The following PARD3 variants were observed in gnomAD, a reference collection of about 807,000 sequenced individuals.
PARD3 encodes the protein partitioning defective 3 homolog.
A neutral mutation model predicts 155.4 loss-of-function variants in PARD3; 75 were observed. That is an observed-to-expected ratio of 0.48 (90% CI 0.40 to 0.58). PARD3 has a LOEUF of 0.58. Among genes scored for constraint, PARD3 ranks in the 20% least tolerant of loss-of-function variants. The pLI, the probability that PARD3 is intolerant of heterozygous loss-of-function variation, is 0.00. For synonymous variants in PARD3, 576 were observed against 610.5 expected, an observed-to-expected ratio of 0.94 and a Z score of 0.83; for missense variants, 1,642 against 1,721.7, an observed-to-expected ratio of 0.95 and a Z score of 0.82.
intron 2 of PARD3, among the ~76,000 whole-genome samples, chr10:34,602,163 T>C (rs1028836250): frequency 2.6e-5 from 4 of 152,224 alleles, no homozygotes; most frequent in Non-Finnish European, 4.4e-5. Context: ...GCTGATAAAT[T>C]TGCAGAAGAC....
At chr10:34,594,855 T>A (rs1188367527) in intron 2 of PARD3, among the ~76,000 whole-genome samples, 1 of 152,024 alleles carries the variant, frequency 6.6e-6, no homozygotes, top group Non-Finnish European at 1.5e-5. Flanking sequence ...TAAAAATAAA[T>A]AAAGTCAGTC....
chr10:34,345,602 T>C (rs1837331547), intron 15 of PARD3: 1 of 985,190 alleles, frequency 1.0e-6, no homozygotes, highest in Non-Finnish European at 1.2e-6. Flanking sequence ...ACACTGTTGT[T>C]ATTGGTTTAG....
chr10:34,563,071 TTA>T (rs1319341558), intron 2 of PARD3, among the ~76,000 whole-genome samples: 1 of 152,156 alleles, frequency 6.6e-6, no homozygotes, highest in East Asian at 1.9e-4. Context: ...CCACCTGACC[TTA>T]TTTATTGATT....
chr10:34,383,009 C>T (rs1467634434), intron 8 of PARD3, 87 bp from the exon 9 acceptor site: 7 of 1,406,550 alleles, frequency 5.0e-6, no homozygotes, highest in Non-Finnish European at 5.9e-6. Flanking sequence ...ACTAATTAAG[C>T]AATAAGAACT....
chr10:34,349,601 A>AAAAAAAAAAC (rs1837812916), intron 14 of PARD3, among the ~76,000 whole-genome samples: 1 of 148,630 alleles, frequency 6.7e-6, no homozygotes, highest in African/African-American at 2.5e-5. Flanking sequence ...AAAAAAAAAA[A>AAAAAAAAAAC]AAAAAAAAGC....
intron 3 of PARD3, among the ~76,000 whole-genome samples, chr10:34,492,385 C>T (rs947018283): frequency 1.3e-5 from 2 of 152,150 alleles, no homozygotes; most frequent in Non-Finnish European, 2.9e-5. Context: ...TCCACATTCA[C>T]GCATGGCTCT....
intron 4 of PARD3, among the ~76,000 whole-genome samples, chr10:34,459,336 T>C (rs1219747178): frequency 2.0e-5 from 3 of 151,982 alleles, no homozygotes; most frequent in Admixed American, 1.3e-4. Context: ...CCAGCTAATT[T>C]TTTTTTTTGT....
chr10:34,130,937 T>A (rs1366359083), intron 23 of PARD3, among the ~76,000 whole-genome samples: 4 of 152,154 alleles, frequency 2.6e-5, no homozygotes, highest in Non-Finnish European at 5.9e-5. Flanking sequence ...GGCACTTGCC[T>A]ATAGTCCAGC....
intron 3 of PARD3, among the ~76,000 whole-genome samples, chr10:34,477,066 G>T (rs1235143195): frequency 6.6e-6 from 1 of 152,120 alleles, no homozygotes; most frequent in Non-Finnish European, 1.5e-5. Flanking sequence ...AATAAAACAT[G>T]ATCTTCTCAC....
intron 22 of PARD3, among the ~76,000 whole-genome samples, chr10:34,188,964 G>T (rs1016618390): frequency 2.6e-5 from 4 of 152,118 alleles, no homozygotes; most frequent in Admixed American, 6.5e-5. Context: ...CCAAAGTGTG[G>T]TCTATGGACT....
At chr10:34,587,327 T>C (rs1025393342) in intron 2 of PARD3, among the ~76,000 whole-genome samples, 1 of 152,122 alleles carries the variant, frequency 6.6e-6, no homozygotes, top group African/African-American at 2.4e-5. Context: ...TTCACCATCT[T>C]GGCCAGTCTG....
intron 10 of PARD3, among the ~76,000 whole-genome samples, chr10:34,375,494 A>G (rs572684500): frequency 2.6e-4 from 39 of 152,340 alleles, no homozygotes; most frequent in Admixed American, 8.5e-4. Flanking sequence ...TAAATAAAAC[A>G]CTTTACCTCT....
intron 15 of PARD3, among the ~76,000 whole-genome samples, chr10:34,347,733 G>A (rs1447318825): frequency 1.3e-5 from 2 of 151,934 alleles, no homozygotes; most frequent in African/African-American, 2.4e-5. Flanking sequence ...TGGTTGCTTC[G>A]TCATGTTACA....
intron 22 of PARD3, among the ~76,000 whole-genome samples, chr10:34,132,339 G>A (rs902995913): frequency 1.2e-4 from 5 of 40,962 alleles, no homozygotes; most frequent in East Asian, 6.8e-4. Context: ...ACCCACCTAC[G>A]CACACGTTTA....
At chr10:34,452,056 C>T (rs1014687127) in intron 4 of PARD3, among the ~76,000 whole-genome samples, 1 of 151,852 alleles carries the variant, frequency 6.6e-6, no homozygotes, top group African/African-American at 2.4e-5. Context: ...AGTGACAGAA[C>T]CTTATGTGTC....
chr10:34,304,494 C>T (rs1564565722), intron 20 of PARD3, among the ~76,000 whole-genome samples: 2 of 152,122 alleles, frequency 1.3e-5, no homozygotes, highest in Non-Finnish European at 1.5e-5. Context: ...TTCCATAGCA[C>T]TCACAATAGC....
chr10:34,252,793 A>G (rs1436403253), intron 22 of PARD3, among the ~76,000 whole-genome samples: 1 of 152,068 alleles, frequency 6.6e-6, no homozygotes, highest in Non-Finnish European at 1.5e-5. Flanking sequence ...TTTGTTACAC[A>G]TTTTCAAGAA....
At chr10:34,664,073 T>C (rs1433808306) in intron 2 of PARD3, 1 of 152,252 alleles carries the variant, frequency 6.6e-6, no homozygotes, top group African/African-American at 2.4e-5. Flanking sequence ...GCTGCGATGT[T>C]TCCCTAAGGA....
chr10:34,296,540 T>C (rs1159115885), intron 20 of PARD3, among the ~76,000 whole-genome samples: 1 of 152,206 alleles, frequency 6.6e-6, no homozygotes, highest in East Asian at 1.9e-4. Context: ...TCATTATTTA[T>C]TATACTAAAA....
Sources: gnomAD v4.1 joint callset for allele counts (sites outside exome capture counted in the v4.1 genomes callset) on GRCh38, gnomAD v4.1.1 for gene constraint, MANE v1.5 for transcripts, NCBI Gene and HGNC (gene_info 2026-07-23, HGNC 2026-07-21) for gene names.